The following THRB variants were observed in gnomAD, a reference collection of about 807,000 sequenced individuals.
THRB encodes the protein nuclear receptor subfamily 1 group A member 2.
Under a neutral mutation model 47.8 loss-of-function variants are expected in THRB, and 12 were observed. The ratio of observed to expected loss-of-function variants is 0.25; its 90% CI spans 0.16 to 0.41. The LOEUF (loss-of-function observed/expected upper bound fraction) is 0.41. THRB is among the 10% of genes least tolerant of loss of function. The pLI, the probability that THRB is intolerant of heterozygous loss-of-function variation, is 1.00. For missense variants in THRB, 348 were observed against 589.2 expected (o/e 0.59, Z 4.24); for synonymous variants, 218 against 212.2 (o/e 1.03, Z -0.24).
At chr3:24,279,451 C>G (rs2054293838) in intron 3 of THRB, among the ~76,000 whole-genome samples, 1 of 152,074 alleles carries the variant, frequency 6.6e-6, no homozygotes, top group Non-Finnish European at 1.5e-5. Context: ...GTGGTGCAAT[C>G]TCAGCTCACT....
intron 4 of THRB, among the ~76,000 whole-genome samples, chr3:24,196,035 C>T (rs1482914301): frequency 6.6e-6 from 1 of 152,158 alleles, no homozygotes; most frequent in African/African-American, 2.4e-5. Context: ...TGCAAAAGAG[C>T]CTTATGAATA....
Position 24,240,840 on chromosome 3 carries a change from C to CTG in THRB, c.-42-11840_-42-11839insCA, listed in dbSNP as rs1330791233. The stretch of plus-strand genomic sequence containing the variant: ...TTTCCAGGGCCCACATGTTGAGAAC[C>CTG]ACCAGCCTGATCCATTTAAGAACAT... On this transcript the variant is annotated intron_variant, in intron 3 of 10. Transcript: ENST00000646209. Among the ~76,000 whole-genome samples, 1,093 of 151,898 alleles carry CTG rather than the reference C, an allele frequency of 7.2e-3. 17 individuals carry two copies. The highest frequency in any genetic ancestry group is 0.025 in the African/African-American group (1,019 of 41,202).
chr3:24,324,969 C>T lies in THRB; in HGVS notation c.-189+12331G>A, dbSNP rs189046973. On this transcript the variant is annotated intron_variant, in intron 2 of 10. Coordinates refer to ENST00000646209, the MANE Select transcript of THRB (RefSeq NM_001354712.2). ...GATAGGATTTTGGATTAAATGGGAA[C>T]ATCAAAATAAAATGAATAAAATCGA... 7.9e-5 allele frequency among the ~76,000 whole-genome samples: 12 copies of T among 152,174 alleles called. No homozygotes were observed. The East Asian group carries it at 2.3e-3, about 29-fold the overall frequency.
intron 8 of THRB, among the ~76,000 whole-genome samples, chr3:24,142,501 T>C (rs927094086): frequency 6.6e-6 from 1 of 152,258 alleles, no homozygotes; most frequent in Admixed American, 6.5e-5. Flanking sequence ...AATGTTAATG[T>C]TGAGGTACAA....
Position 24,248,239 on chromosome 3 carries a change from A to G in THRB, c.-42-19238T>C, listed in dbSNP as rs796360852. Among the ~76,000 whole-genome samples the G allele has an allele frequency of 7.6e-4, 116 of 152,200 alleles. 1 individual carries two copies. Among genetic ancestry groups the G allele is most frequent in the African/African-American group, 2.6e-3 (107 of 41,502 alleles). On this transcript the variant is annotated intron_variant, in intron 3 of 10. Transcript: ENST00000646209. ...AGTATATACAAATGAACTGCCCTTG[A>G]ACCCTAACCCCACGCATTGAGCTAT...
At chr3:24,196,447 T>C (rs1373783690) in intron 4 of THRB, among the ~76,000 whole-genome samples, 1 of 152,196 alleles carries the variant, frequency 6.6e-6, no homozygotes, top group Non-Finnish European at 1.5e-5. Context: ...GGTTTATATA[T>C]AAAAAGGTCT....
chr3:24,392,136 A>C (rs1392202749), intron 1 of THRB, among the ~76,000 whole-genome samples: 1 of 152,162 alleles, frequency 6.6e-6, no homozygotes, highest in South Asian at 2.1e-4. Context: ...GGAAACCACC[A>C]TTATATTACT....
At chr3:24,457,265 T>C (rs1030812) in intron 1 of THRB, among the ~76,000 whole-genome samples, 48,293 of 152,014 alleles carry the variant, frequency 0.32, 8,018 homozygotes, top group South Asian at 0.37. Flanking sequence ...CCTTCACCTT[T>C]TCCTGGCCAG....
chr3:24,153,969 G>A (rs920974656), intron 5 of THRB, among the ~76,000 whole-genome samples: 1 of 152,094 alleles, frequency 6.6e-6, no homozygotes, highest in Non-Finnish European at 1.5e-5. Flanking sequence ...ATTAAACTAG[G>A]TCACTGAAGT....
At chr3:24,170,735 G>A (rs75370718) in intron 5 of THRB, among the ~76,000 whole-genome samples, 1,678 of 152,044 alleles carry the variant, frequency 0.011, 19 homozygotes, top group African/African-American at 0.022. Flanking sequence ...GTGACATTTT[G>A]TGTGTCAGGA....
At chr3:24,375,683 G>A (rs188913515) in intron 1 of THRB, among the ~76,000 whole-genome samples, 2,463 of 151,630 alleles carry the variant, frequency 0.016, 44 homozygotes, top group Non-Finnish European at 0.024. Flanking sequence ...AACAAGAGTG[G>A]AATATATTCT....
intron 3 of THRB, among the ~76,000 whole-genome samples, chr3:24,286,460 G>A (rs1343454885): frequency 1.3e-5 from 2 of 152,152 alleles, no homozygotes; most frequent in Non-Finnish European, 2.9e-5. Flanking sequence ...TGGCTAAGAG[G>A]CAAGAGAGGA....
intron 1 of THRB, among the ~76,000 whole-genome samples, chr3:24,451,319 T>G (rs2072631586): frequency 6.7e-6 from 1 of 148,892 alleles, no homozygotes; most frequent in South Asian, 2.1e-4. Flanking sequence ...CTGCAACCTC[T>G]GTCTCCCAGA....
intron 1 of THRB, among the ~76,000 whole-genome samples, chr3:24,457,351 T>C (rs1224593198): frequency 6.6e-6 from 1 of 152,142 alleles, no homozygotes; most frequent in Non-Finnish European, 1.5e-5. Flanking sequence ...AGGCCATCCT[T>C]CCTAACATTC....
intron 1 of THRB, among the ~76,000 whole-genome samples, chr3:24,461,215 T>C (rs374431852): frequency 3.9e-5 from 6 of 152,324 alleles, no homozygotes; most frequent in Admixed American, 2.6e-4. Context: ...GAGGCAGGCC[T>C]GGGGTCAAGT....
At chr3:24,181,846 T>G (rs555485051) in intron 5 of THRB, among the ~76,000 whole-genome samples, 215 of 152,338 alleles carry the variant, frequency 1.4e-3, no homozygotes, top group African/African-American at 4.9e-3. Context: ...CTTATCCAAT[T>G]CATCCATTTG....
intron 1 of THRB, among the ~76,000 whole-genome samples, chr3:24,465,553 C>T (rs2074067814): frequency 6.6e-6 from 1 of 152,142 alleles, no homozygotes; most frequent in Non-Finnish European, 1.5e-5. Flanking sequence ...CAGGCATGCA[C>T]CACCATGACA....
chr3:24,131,713 A>G (rs571911669), intron 9 of THRB, among the ~76,000 whole-genome samples: 1 of 152,226 alleles, frequency 6.6e-6, no homozygotes, highest in Non-Finnish European at 1.5e-5. Flanking sequence ...TCATGAAGGG[A>G]CACAATGAGA....
At chr3:24,170,410 G>A (rs568324441) in intron 5 of THRB, among the ~76,000 whole-genome samples, 75 of 152,226 alleles carry the variant, frequency 4.9e-4, no homozygotes, top group African/African-American at 1.7e-3. Flanking sequence ...TCTTGACACA[G>A]CCACCAAAGA....
Sources: allele counts gnomAD v4.1 joint callset (sites outside exome capture counted in the v4.1 genomes callset), GRCh38; gene constraint gnomAD v4.1.1; transcripts MANE v1.5; gene names NCBI Gene and HGNC (gene_info 2026-07-23, HGNC 2026-07-21).